Variants in ASIC2 observed in about 807,000 individuals in gnomAD.
ASIC2 encodes acid-sensing ion channel 2.
Under a neutral mutation model 57.3 loss-of-function variants are expected in ASIC2, and 25 were observed. The observed-to-expected ratio is 0.44, with a 90% confidence interval of 0.32 to 0.61. The LOEUF is 0.61. Ranked by LOEUF, ASIC2 falls within the 20% of genes least tolerant of loss-of-function variation. The probability of loss-of-function intolerance (pLI) is 0.06; values close to 1 mark genes in which losing one functional copy is unlikely to be tolerated. For missense variants in ASIC2, 641 were observed against 738.1 expected, an observed-to-expected ratio of 0.87 and a Z score of 1.52; for synonymous variants, 319 against 307.5, an observed-to-expected ratio of 1.04 and a Z score of -0.39.
At chr17:33,509,663 G>A (rs538738576) in intron 1 of ASIC2, among the ~76,000 whole-genome samples, 1 of 152,376 alleles carries the variant, frequency 6.6e-6, no homozygotes, top group Admixed American at 6.5e-5. Context: ...GCCCCGCAGA[G>A]AGAAGACTTA....
At chr17:33,529,029 C>G (rs1914971027) in intron 1 of ASIC2, among the ~76,000 whole-genome samples, 1 of 152,130 alleles carries the variant, frequency 6.6e-6, no homozygotes, top group Non-Finnish European at 1.5e-5. Flanking sequence ...CCAGGAAACT[C>G]CAGGACAGTT....
chr17:33,788,742 TC>T (rs1404027538), intron 1 of ASIC2, among the ~76,000 whole-genome samples: 2 of 152,320 alleles, frequency 1.3e-5, no homozygotes, highest in South Asian at 4.1e-4. Context: ...TGAGATCATG[TC>T]CTTTGCAGGG....
chr17:33,033,851 T>A (rs886120388), intron 3 of ASIC2, among the ~76,000 whole-genome samples: 2 of 152,036 alleles, frequency 1.3e-5, no homozygotes, highest in Non-Finnish European at 2.9e-5. Context: ...CTTCCTCCCC[T>A]CTGAGGTCCA....
chr17:33,427,411 A>G (rs1911255865), intron 1 of ASIC2, among the ~76,000 whole-genome samples: 1 of 152,118 alleles, frequency 6.6e-6, no homozygotes, highest in African/African-American at 2.4e-5. Flanking sequence ...AAAGACCAAA[A>G]CCATTCTGGC....
chr17:33,045,197 A>G (rs1421938413), intron 3 of ASIC2, among the ~76,000 whole-genome samples: 2 of 152,122 alleles, frequency 1.3e-5, no homozygotes, highest in Non-Finnish European at 2.9e-5. Context: ...CCCTTGTTAA[A>G]TGATACTGTG....
rs142251398 is a variant in ASIC2 at position 33,157,428 on chromosome 17, C to A, written c.709-45361G>T. On this transcript the variant is annotated intron_variant, in intron 1 of 9. Coordinates refer to ENST00000225823, the MANE Select transcript of ASIC2 (RefSeq NM_183377.2). ...CTATGTATCCTTTAAGTACTAGAGC[C>A]ACAAGCCAAGCCCAGTCTGTCCAAT... Among the ~76,000 whole-genome samples the A allele has an allele frequency of 1.5e-3, 221 of 152,252 alleles. 1 individual carries two copies. The highest frequency in any genetic ancestry group is 4.7e-3 in the African/African-American group (197 of 41,536).
At chr17:33,215,180 G>C (rs1003113225) in intron 1 of ASIC2, among the ~76,000 whole-genome samples, 1 of 152,206 alleles carries the variant, frequency 6.6e-6, no homozygotes, top group Non-Finnish European at 1.5e-5. Flanking sequence ...TACTTTAAAA[G>C]AATGATTGCA....
intron 1 of ASIC2, among the ~76,000 whole-genome samples, chr17:33,444,405 CA>C (rs1911937049): frequency 6.6e-6 from 1 of 152,112 alleles, no homozygotes; most frequent in Non-Finnish European, 1.5e-5. Context: ...AGTGGGTAAC[CA>C]AGAGGTCATA....
At chr17:34,006,123 G>A (rs1906515996) in intron 1 of ASIC2, 1 of 152,250 alleles carries the variant, frequency 6.6e-6, no homozygotes, top group African/African-American at 2.4e-5. Flanking sequence ...TGCAGTTGGT[G>A]CCCTGATAAA....
At chr17:33,904,919 A>G (rs890953007) in intron 1 of ASIC2, among the ~76,000 whole-genome samples, 2 of 152,170 alleles carry the variant, frequency 1.3e-5, no homozygotes, top group African/African-American at 2.4e-5. Context: ...CCTTAATTAC[A>G]GAATGTCCTT....
At chr17:33,973,458 A>G (rs752360057) in intron 1 of ASIC2, among the ~76,000 whole-genome samples, 7 of 152,224 alleles carry the variant, frequency 4.6e-5, no homozygotes, top group Non-Finnish European at 7.3e-5. Context: ...TCCTGTAGCA[A>G]TAGGCCCAGA....
chr17:33,610,550 A>G (rs1905371503), intron 1 of ASIC2, among the ~76,000 whole-genome samples: 1 of 152,050 alleles, frequency 6.6e-6, no homozygotes, highest in Admixed American at 6.6e-5. Flanking sequence ...AACAAAAGGC[A>G]TAAAGAAAGG....
At chr17:33,914,923 T>G (rs1034057134) in intron 1 of ASIC2, among the ~76,000 whole-genome samples, 8 of 152,198 alleles carry the variant, frequency 5.3e-5, no homozygotes, top group African/African-American at 1.9e-4. Flanking sequence ...TTCTATATCT[T>G]AAGAATAGAT....
chr17:33,289,761 C>T (rs1048697797), intron 1 of ASIC2, among the ~76,000 whole-genome samples: 1 of 152,222 alleles, frequency 6.6e-6, no homozygotes, highest in African/African-American at 2.4e-5. Context: ...CAATTCCACA[C>T]ACTTTGCAAA....
intron 1 of ASIC2, among the ~76,000 whole-genome samples, chr17:34,124,667 G>T (rs1911723201): frequency 6.6e-6 from 1 of 152,150 alleles, no homozygotes; most frequent in Admixed American, 6.5e-5. Flanking sequence ...GGAAGTCCAA[G>T]ATCAGGATGC....
intron 3 of ASIC2, among the ~76,000 whole-genome samples, chr17:33,066,934 AG>A (rs1362307446): frequency 6.6e-6 from 1 of 152,190 alleles, no homozygotes; most frequent in Non-Finnish European, 1.5e-5. Context: ...CAGGGCAGTA[AG>A]TAGTACTCTT....
At chr17:33,634,623 C>G (rs897665535) in intron 1 of ASIC2, 1 of 150,032 alleles carries the variant, frequency 6.7e-6, no homozygotes, top group African/African-American at 2.5e-5. Context: ...TCACGCCATT[C>G]TCCTGCCTCA....
chr17:33,771,724 T>C (rs1322918214), intron 1 of ASIC2, among the ~76,000 whole-genome samples: 1 of 152,218 alleles, frequency 6.6e-6, no homozygotes, highest in Non-Finnish European at 1.5e-5. Flanking sequence ...GTGTTATTCA[T>C]TTTTTTAATT....
chr17:34,111,521 T>A (rs1421244130), intron 1 of ASIC2, among the ~76,000 whole-genome samples: 1 of 152,138 alleles, frequency 6.6e-6, no homozygotes, highest in Non-Finnish European at 1.5e-5. Flanking sequence ...TAGGATAGTG[T>A]AACTAAAATT....
Sources: allele counts gnomAD v4.1 joint callset (sites outside exome capture counted in the v4.1 genomes callset), GRCh38; gene constraint gnomAD v4.1.1; transcripts MANE v1.5; gene names NCBI Gene and HGNC (gene_info 2026-07-23, HGNC 2026-07-21).